The following MRPS15 variants were observed in gnomAD, a reference collection of about 807,000 sequenced individuals.
MRPS15 encodes mitochondrial ribosomal protein S15, also known as small ribosomal subunit protein uS15m.
In MRPS15, 25 loss-of-function variants were observed where a neutral mutation model predicts 30.7. That is an observed-to-expected ratio of 0.81 (90% CI 0.59 to 1.14). The LOEUF is 1.14. Ranked by LOEUF, MRPS15 falls within the 50% of genes most tolerant of loss-of-function variation. The pLI, the probability that MRPS15 is intolerant of heterozygous loss-of-function variation, is 0.00. For synonymous variants in MRPS15, 124 were observed against 120.1 expected (o/e 1.03, Z -0.21); for missense variants, 313 against 321.7 (o/e 0.97, Z 0.21).
Position 36,456,275 on chromosome 1 carries a change from C to G in MRPS15, c.548G>C (p.Trp183Ser). 1 of 1,614,200 alleles carries G rather than the reference C, an allele frequency of 6.2e-7. No individual in the cohort carries two copies. Among genetic ancestry groups the G allele is most frequent in the South Asian group, 1.1e-5 (1 of 91,084 alleles). Residue 183 changes from tryptophan (W) to serine (S), a missense_variant, in exon 7 of 8, where the codon TGG becomes TCG. Trp to Ser is a radical substitution (Grantham distance 177). Transcript: ENST00000373116. ...TNYDVFEKIC[W>S]GLGIEYTFPP... The stretch of plus-strand genomic sequence containing the variant: ...GAAGGTGTACTCAATTCCCAGCCCC[C>G]AGCATATCTTCTCAAAGACATCATA...
At chr1:36,463,482 G>C (rs971896420) in intron 2 of MRPS15, among the ~76,000 whole-genome samples, 5 of 152,142 alleles carry the variant, frequency 3.3e-5, no homozygotes, top group African/African-American at 1.2e-4. Context: ...AGTTGCAATG[G>C]GAAATTACAT....
rs756282155 is a variant in MRPS15, at chr1:36,457,967, C to T, written c.400G>A (p.Val134Ile). The stretch of plus-strand genomic sequence containing the variant: ...TGTTCTTCATAACTGCGGATCTTGA[C>T]AGACAAGGCAATAACTGAAACCACA... ...SLEARIIALSVKIRSYEEHLE... is the reference protein window; with the variant it reads ...SLEARIIALSIKIRSYEEHLE... The change falls in exon 6 of 8, where the codon GTC becomes ATC. Residue 134 changes from valine to isoleucine, a missense_variant. Transcript: ENST00000373116. The T allele has an allele frequency of 3.1e-6, 5 of 1,614,080 alleles. No homozygotes were observed. Among genetic ancestry groups the T allele is most frequent in the Non-Finnish European group, 3.4e-6 (4 of 1,180,038 alleles).
At chr1:36,457,838 C>A in intron 6 of MRPS15, 85 bp downstream of exon 6, 3 of 1,355,392 alleles carry the variant, frequency 2.2e-6, no homozygotes, top group Non-Finnish European at 3.2e-6. Context: ...TCTAAGCCTC[C>A]TTCTCTGGAC....
Position 36,457,775 on chromosome 1 carries a change from C to A in MRPS15, c.444+148G>T, listed in dbSNP as rs1034739500. 24 of 710,718 alleles carry A rather than the reference C, an allele frequency of 3.4e-5. No individual in the cohort carries two copies. The African/African-American group carries it at 4.1e-4, about 12-fold the overall frequency. The allele number at this position is 710,718 out of a possible 1,614,324, so 44.0% of individuals were successfully genotyped here. Reference sequence around the variant, plus strand: ...TAACCCCTGGTGACACTCAGCATGGCCTTGTAAGGCTCCAAGTCCTCTGGA... The same window carrying A: ...TAACCCCTGGTGACACTCAGCATGGACTTGTAAGGCTCCAAGTCCTCTGGA... On this transcript the variant is annotated intron_variant, in intron 6 of 7. Transcript: ENST00000373116.
At position 36,456,387 on chromosome 1, in the gene MRPS15, G is replaced by T; in HGVS notation, c.445-9C>A. On this transcript the variant is annotated splice_polypyrimidine_tract_variant and intron_variant, in intron 6 of 7. Coordinates refer to ENST00000373116, the MANE Select transcript of MRPS15 (RefSeq NM_031280.4). ...CGTTTGTGGGCTTTGTCCTGCAAGA[G>T]ATTCTCATTACTTTTAGTATTATAT... 1.3e-6 allele frequency: 2 copies of T among 1,586,552 alleles called. No individual in the cohort carries two copies. The highest frequency in any genetic ancestry group is 1.7e-6 in the Non-Finnish European group (2 of 1,163,518).
At position 36,461,304 on chromosome 1, in the gene MRPS15, TC is replaced by T; in HGVS notation, c.259del (p.Asp87MetfsTer3). On this transcript the variant is annotated frameshift_variant, in exon 4 of 8. Transcript: ENST00000373116. LOFTEE classifies it high-confidence loss of function. Reference protein sequence around the residue: ...QNVPGIEKVDDVVKRLLSLEM... With the variant: ...QNVPGIEKVDXVVKRLLSLEM... Reference sequence around the variant, plus strand: ...CAAAGACAAGAGTCTTTTCACGACATCATCAACCCTGTGGATAAACCACAGC... The same window carrying T: ...CAAAGACAAGAGTCTTTTCACGACATATCAACCCTGTGGATAAACCACAGC... The T allele has an allele frequency of 6.2e-7, 1 of 1,614,102 alleles. No homozygotes were observed. The highest frequency in any genetic ancestry group is 8.5e-7 in the Non-Finnish European group (1 of 1,179,998).
intron 1 of MRPS15, 53 bp downstream of exon 1, chr1:36,464,093 C>T: frequency 2.1e-6 from 3 of 1,397,188 alleles, no homozygotes; most frequent in African/African-American, 1.6e-5. Context: ...TATTCCCTAT[C>T]TTCGCCGAAC....
rs1650171451 is a variant in MRPS15, at chr1:36,464,345, T to C, written c.-70A>G. ...GCTTTGCGGCACGGACCGGGTTACA[T>C]GGGCGCCGCCATGCTGGCCCAGGAT... On this transcript the variant is annotated 5_prime_UTR_variant, in exon 1 of 8. The change abolishes an upstream ATG in the 5' untranslated region. Transcript: ENST00000373116. 1.3e-6 allele frequency: 2 copies of C among 1,558,226 alleles called. No homozygotes were observed. Among genetic ancestry groups the C allele is most frequent in the East Asian group, 2.3e-5 (1 of 43,816 alleles).
chr1:36,459,395 G>C (rs1196372375), intron 5 of MRPS15: 1 of 125,026 alleles, frequency 8.0e-6, no homozygotes. Context: ...AGTGAGATCC[G>C]GTCTCAAAAA....
intron 2 of MRPS15, among the ~76,000 whole-genome samples, chr1:36,463,530 C>G (rs115285131): frequency 0.014 from 2,172 of 152,320 alleles, 48 homozygotes; most frequent in African/African-American, 0.05. Context: ...GTGCCATACT[C>G]TAGGTAGGCC....
chr1:36,456,195 A>T lies in MRPS15; in HGVS notation c.628T>A (p.Cys210Ser). 1 of 1,609,438 alleles carries T rather than the reference A, an allele frequency of 6.2e-7. No individual in the cohort carries two copies. Among genetic ancestry groups the T allele is most frequent in the Non-Finnish European group, 8.5e-7 (1 of 1,177,450 alleles). The change falls in exon 7 of 8, where the codon TGC becomes AGC. Residue 210 changes from cysteine to serine, a missense_variant. Coordinates refer to ENST00000373116, the MANE Select transcript of MRPS15 (RefSeq NM_031280.4). Reference protein sequence around the residue: ...HRRFVTKKALCIRVFQETQKL... With the variant: ...HRRFVTKKALSIRVFQETQKL... ...GCAATTCTGACTCGTACCCGAATGC[A>T]CAGAGCCTTCTTGGTCACGAATCGG...
rs756175218 is a variant in MRPS15 at position 36,464,309 on chromosome 1, G to C, written c.-34C>G. 1.2e-5 allele frequency: 19 copies of C among 1,590,058 alleles called. No individual in the cohort carries two copies. Among genetic ancestry groups the C allele is most frequent in the Non-Finnish European group, 1.4e-5 (16 of 1,168,468 alleles). On this transcript the variant is annotated 5_prime_UTR_variant, in exon 1 of 8. Coordinates refer to ENST00000373116, the MANE Select transcript of MRPS15 (RefSeq NM_031280.4). Reference sequence around the variant, plus strand: ...CTAACCCCCGCGGGGCCCGCGCCGCGGCCGCCGTTCGCTTTGCGGCACGGA... The same window carrying C: ...CTAACCCCCGCGGGGCCCGCGCCGCCGCCGCCGTTCGCTTTGCGGCACGGA...
chr1:36,460,244 T>C (rs1314189467), intron 5 of MRPS15, among the ~76,000 whole-genome samples: 1 of 152,214 alleles, frequency 6.6e-6, no homozygotes, highest in African/African-American at 2.4e-5. Context: ...CCTGACCTTG[T>C]GATCCACCTG....
chr1:36,457,683 C>T (rs1044541752), intron 6 of MRPS15, among the ~76,000 whole-genome samples: 5 of 152,164 alleles, frequency 3.3e-5, no homozygotes, highest in African/African-American at 1.2e-4. Context: ...TTCATGCATT[C>T]AACAAATATT....
In MRPS15 at chr1:36,464,205, C is replaced by A; in HGVS notation, c.71G>T (p.Gly24Val). The change falls in exon 1 of 8, where the codon GGG becomes GTG. Residue 24 changes from glycine (G) to valine (V), a missense_variant. By Grantham distance (109) the Gly-to-Val change is moderately radical. Transcript: ENST00000373116. The part of the protein sequence containing the change: ...TRAVTQVLVP[G>V]LPGGGSAKFP... ...CTTGGCGCTCCCACCGCCCGGCAGC[C>A]CGGGTACTAGGACCTGGGTAACTGC... 6.2e-7 allele frequency: 1 copy of A among 1,614,074 alleles called. No individual in the cohort carries two copies. Among genetic ancestry groups the A allele is most frequent in the South Asian group, 1.1e-5 (1 of 91,072 alleles).
chr1:36,461,741 G>A (rs1402899880), intron 3 of MRPS15, among the ~76,000 whole-genome samples: 1 of 152,176 alleles, frequency 6.6e-6, no homozygotes, highest in Non-Finnish European at 1.5e-5. Flanking sequence ...AGAACTGTAT[G>A]ACACTGGACA....
chr1:36,463,896 AC>A (rs767410539), intron 1 of MRPS15, 46 bp from the exon 2 acceptor site: 5 of 1,589,258 alleles, frequency 3.1e-6, no homozygotes, highest in Non-Finnish European at 4.3e-6. Flanking sequence ...TAAATAGCCC[AC>A]CCCTCAGTTC....
chr1:36,464,084 A>ACTCCTGTGCTTCCTTT, intron 1 of MRPS15, 62 bp downstream of exon 1: 1 of 1,359,132 alleles, frequency 7.4e-7, no homozygotes, highest in Non-Finnish European at 1.0e-6. Context: ...GTGCTTCCTT[A>ACTCCTGTGCTTCCTTT]TTCCCTATCT....
Position 36,464,214 on chromosome 1 carries a change from A to C in MRPS15, c.62T>G (p.Leu21Arg), listed in dbSNP as rs572652318. 1 of 1,614,034 alleles carries C rather than the reference A, an allele frequency of 6.2e-7. No homozygotes were observed. The highest frequency in any genetic ancestry group is 2.2e-5 in the East Asian group (1 of 44,866). The change falls in exon 1 of 8, where the codon CTA becomes CGA. Residue 21 changes from leucine to arginine, a missense_variant. Leu to Arg is a moderately radical substitution (Grantham distance 102). Coordinates refer to ENST00000373116, the MANE Select transcript of MRPS15 (RefSeq NM_031280.4). ...LIRTRAVTQV[L>R]VPGLPGGGSA... ...CCCACCGCCCGGCAGCCCGGGTACTAGGACCTGGGTAACTGCCCGGGTCCG... is the reference window on the plus strand; with the variant it reads ...CCCACCGCCCGGCAGCCCGGGTACTCGGACCTGGGTAACTGCCCGGGTCCG...
Sources: gnomAD v4.1 joint callset for allele counts (sites outside exome capture counted in the v4.1 genomes callset) on GRCh38, gnomAD v4.1.1 for gene constraint, MANE v1.5 for transcripts, NCBI Gene and HGNC (gene_info 2026-07-23, HGNC 2026-07-21) for gene names.